Variants in CDH13 observed in about 807,000 individuals in gnomAD.
The protein encoded by CDH13 is cadherin 13, also known as cadherin-13.
CDH13 carries 24 observed loss-of-function variants against 63.8 expected under a neutral mutation model. That is an observed-to-expected ratio of 0.38 (90% confidence interval 0.27 to 0.53). The LOEUF is 0.53. CDH13 is among the 20% of genes least tolerant of loss of function. The probability of loss-of-function intolerance (pLI) is 0.85; values close to 1 mark genes in which losing one functional copy is unlikely to be tolerated. For missense variants in CDH13, 1,049 were observed against 903.1 expected (o/e 1.16, Z -2.07); for synonymous variants, 503 against 355.3 (o/e 1.42, Z -4.67).
chr16:83,142,581 G>A (rs1166324781), intron 4 of CDH13, among the ~76,000 whole-genome samples: 23 of 152,144 alleles, frequency 1.5e-4, no homozygotes, highest in Admixed American at 7.2e-4. Flanking sequence ...ATGTGTAGCC[G>A]TTCGCCTAGT....
intron 2 of CDH13, among the ~76,000 whole-genome samples, chr16:82,998,563 C>G (rs905986171): frequency 6.6e-6 from 1 of 152,110 alleles, no homozygotes; most frequent in African/African-American, 2.4e-5. Flanking sequence ...CTGTCCTCAC[C>G]TCTGCTTGGA....
intron 1 of CDH13, among the ~76,000 whole-genome samples, chr16:82,659,730 G>T (rs938215157): frequency 6.6e-6 from 1 of 152,116 alleles, no homozygotes; most frequent in Admixed American, 6.5e-5. Flanking sequence ...AAACACCTGG[G>T]AAATTCTGAA....
chr16:83,255,410 A>G (rs1345206603), intron 5 of CDH13, among the ~76,000 whole-genome samples: 2 of 152,188 alleles, frequency 1.3e-5, no homozygotes, highest in African/African-American at 4.8e-5. Flanking sequence ...TCCCACAGAT[A>G]AAAGACTATT....
At chr16:82,802,501 A>G (rs2036915622) in intron 1 of CDH13, among the ~76,000 whole-genome samples, 1 of 152,180 alleles carries the variant, frequency 6.6e-6, no homozygotes, top group Non-Finnish European at 1.5e-5. Context: ...GTGCTCTATC[A>G]GGGACAGATA....
At chr16:83,293,157 G>C (rs2089504289) in intron 5 of CDH13, among the ~76,000 whole-genome samples, 1 of 152,128 alleles carries the variant, frequency 6.6e-6, no homozygotes, top group South Asian at 2.1e-4. Context: ...AATATGCATT[G>C]GGCTTTTATG....
intron 5 of CDH13, among the ~76,000 whole-genome samples, chr16:83,221,444 T>C (rs575984928): frequency 6.6e-6 from 1 of 152,296 alleles, no homozygotes; most frequent in East Asian, 1.9e-4. Context: ...ATTATGCATT[T>C]TGCCAGCATT....
intron 2 of CDH13, among the ~76,000 whole-genome samples, chr16:82,912,811 C>A (rs575069100): frequency 6.6e-6 from 1 of 151,920 alleles, no homozygotes; most frequent in Non-Finnish European, 1.5e-5. Context: ...GGCGTGGTGG[C>A]GGGCACCTGT....
chr16:83,636,346 G>T (rs1911264224), intron 8 of CDH13, among the ~76,000 whole-genome samples: 1 of 152,126 alleles, frequency 6.6e-6, no homozygotes, highest in South Asian at 2.1e-4. Flanking sequence ...TACATGTGCA[G>T]GTTTGTTACG....
At chr16:83,482,082 C>T (rs537646131) in intron 6 of CDH13, among the ~76,000 whole-genome samples, 44 of 152,286 alleles carry the variant, frequency 2.9e-4, no homozygotes, top group African/African-American at 1.0e-3. Context: ...GCGCATTGAA[C>T]AGGGAGCTCA....
At chr16:83,343,927 T>C (rs2090781342) in intron 5 of CDH13, among the ~76,000 whole-genome samples, 1 of 152,212 alleles carries the variant, frequency 6.6e-6, no homozygotes, top group South Asian at 2.1e-4. Context: ...GATAAGTGTT[T>C]GTTATTATTC....
chr16:83,547,411 A>G (rs2075405692), intron 7 of CDH13, among the ~76,000 whole-genome samples: 1 of 152,174 alleles, frequency 6.6e-6, no homozygotes, highest in Non-Finnish European at 1.5e-5. Context: ...TCACCTGGGT[A>G]CTAAGTATCC....
intron 6 of CDH13, among the ~76,000 whole-genome samples, chr16:83,393,018 G>C (rs1364799082): frequency 6.6e-6 from 1 of 152,086 alleles, no homozygotes; most frequent in Non-Finnish European, 1.5e-5. Context: ...TGGGAATTCA[G>C]ACCTGCCAAT....
chr16:83,242,799 G>C (rs1011256943), intron 5 of CDH13, among the ~76,000 whole-genome samples: 2 of 152,192 alleles, frequency 1.3e-5, no homozygotes, highest in Non-Finnish European at 2.9e-5. Flanking sequence ...ATGACTGTCA[G>C]TTGGCAATGT....
chr16:82,758,654 G>A lies in CDH13; in HGVS notation c.46-99708G>A, dbSNP rs117037576. On this transcript the variant is annotated intron_variant, in intron 1 of 13. Transcript: ENST00000567109. ...CAGAATATGGCCGCCTATGCTTAAG[G>A]CATTACAGAGGGCATCTTCCTCTGG... Among the ~76,000 whole-genome samples the A allele has an allele frequency of 5.1e-3, 780 of 152,292 alleles. 7 individuals are homozygous for A. The highest frequency in any genetic ancestry group is 8.4e-3 in the Non-Finnish European group (570 of 68,028).
At chr16:83,434,889 A>G (rs892763423) in intron 6 of CDH13, among the ~76,000 whole-genome samples, 1 of 134,666 alleles carries the variant, frequency 7.4e-6, no homozygotes, top group Non-Finnish European at 1.6e-5. Context: ...GTGTATGTGT[A>G]TTTAAAATAA....
At chr16:83,290,343 T>A (rs2089436154) in intron 5 of CDH13, among the ~76,000 whole-genome samples, 2 of 152,258 alleles carry the variant, frequency 1.3e-5, no homozygotes, top group Admixed American at 6.5e-5. Context: ...AATCCCCTCG[T>A]GTCATGGGAG....
chr16:82,899,928 C>T (rs2041404682), intron 2 of CDH13, among the ~76,000 whole-genome samples: 1 of 152,164 alleles, frequency 6.6e-6, no homozygotes, highest in South Asian at 2.1e-4. Flanking sequence ...ATTACGAGGG[C>T]AGAGCAGTTG....
chr16:83,554,244 A>G (rs2075562159), intron 7 of CDH13, among the ~76,000 whole-genome samples: 1 of 152,110 alleles, frequency 6.6e-6, no homozygotes, highest in African/African-American at 2.4e-5. Flanking sequence ...GCAATGGAGG[A>G]GAGCCAAAAT....
intron 10 of CDH13, among the ~76,000 whole-genome samples, chr16:83,694,057 T>G (rs2150896349): frequency 6.6e-6 from 1 of 152,280 alleles, no homozygotes; most frequent in East Asian, 1.9e-4. Context: ...CAGCATGGGC[T>G]ATGTTAGGTG....
Sources: gnomAD v4.1 joint callset for allele counts (sites outside exome capture counted in the v4.1 genomes callset) on GRCh38, gnomAD v4.1.1 for gene constraint, MANE v1.5 for transcripts, NCBI Gene and HGNC (gene_info 2026-07-23, HGNC 2026-07-21) for gene names.